Variants in WNT9A observed in about 807,000 individuals in gnomAD.
The protein encoded by WNT9A is Wnt family member 9A.
A neutral mutation model predicts 31.4 loss-of-function variants in WNT9A; 8 were observed. That is an observed-to-expected ratio of 0.26 (90% confidence interval 0.15 to 0.46). WNT9A has a LOEUF of 0.46. Among genes scored for constraint, WNT9A ranks in the 20% least tolerant of loss-of-function variants. The pLI, the probability that WNT9A is intolerant of heterozygous loss-of-function variation, is 0.99. For missense variants in WNT9A, 457 were observed against 522.9 expected (o/e 0.87, Z 1.23); for synonymous variants, 236 against 220.1 (o/e 1.07, Z -0.64).
intron 1 of WNT9A, among the ~76,000 whole-genome samples, chr1:227,938,261 A>AC (rs1572133325): frequency 2.0e-5 from 3 of 150,854 alleles, no homozygotes; most frequent in Non-Finnish European, 4.4e-5. Flanking sequence ...GTACACACAC[A>AC]CCCCCATACA....
At chr1:227,929,216 G>C (rs1211113085) in intron 1 of WNT9A, among the ~76,000 whole-genome samples, 3 of 152,076 alleles carry the variant, frequency 2.0e-5, no homozygotes, top group African/African-American at 2.4e-5. Context: ...GGTTGTTTGA[G>C]CCCAAGAACT....
chr1:227,931,880 C>CTTTTTTTTT (rs33949354), intron 1 of WNT9A, among the ~76,000 whole-genome samples: 1 of 142,604 alleles, frequency 7.0e-6, no homozygotes, highest in African/African-American at 2.6e-5. Context: ...GTGGAAATGT[C>CTTTTTTTTT]TTTTTTTTTT....
At chr1:227,941,851 A>G (rs1666712463) in intron 1 of WNT9A, among the ~76,000 whole-genome samples, 1 of 152,062 alleles carries the variant, frequency 6.6e-6, no homozygotes, top group East Asian at 1.9e-4. Context: ...GCCGCCCAGC[A>G]CAATGCACAA....
At chr1:227,939,947 G>A (rs1437133997) in intron 1 of WNT9A, among the ~76,000 whole-genome samples, 1 of 152,190 alleles carries the variant, frequency 6.6e-6, no homozygotes, top group East Asian at 1.9e-4. Context: ...GGGCTGCAAC[G>A]CCACCAGGGC....
In WNT9A at chr1:227,926,471, C is replaced by A. The variant is rs1034744343; in HGVS notation, c.96-952G>T. On this transcript the variant is annotated intron_variant, in intron 1 of 3. Transcript: ENST00000272164. This position sits in a 1 kb window ranked among gnomAD's most constrained non-coding sequence, Gnocchi z 5.0. ...CCATATCGAGTCAAGAGCCCTCAAC[C>A]CCAAACCCTGACCCCGACCCCATGT... 1.3e-5 allele frequency among the ~76,000 whole-genome samples: 2 copies of A among 152,086 alleles called. No individual in the cohort carries two copies. Among genetic ancestry groups the A allele is most frequent in the Non-Finnish European group, 2.9e-5 (2 of 68,010 alleles).
At chr1:227,933,190 C>T (rs1383546386) in intron 1 of WNT9A, among the ~76,000 whole-genome samples, 2 of 152,228 alleles carry the variant, frequency 1.3e-5, no homozygotes, top group African/African-American at 2.4e-5. Context: ...TGCTGGAGAG[C>T]TTGCTGCAGT....
At chr1:227,936,859 G>C (rs998226423) in intron 1 of WNT9A, among the ~76,000 whole-genome samples, 2 of 152,146 alleles carry the variant, frequency 1.3e-5, no homozygotes, top group African/African-American at 4.8e-5. Flanking sequence ...GGAAGACACT[G>C]GGCTTCTGGA....
intron 1 of WNT9A, among the ~76,000 whole-genome samples, chr1:227,937,061 C>A (rs1162914767): frequency 1.3e-5 from 2 of 152,210 alleles, no homozygotes; most frequent in Non-Finnish European, 2.9e-5. Flanking sequence ...TCTGACCTAT[C>A]TTCCGTTGTG....
At chr1:227,929,704 C>G (rs1354183221) in intron 1 of WNT9A, among the ~76,000 whole-genome samples, 2 of 152,334 alleles carry the variant, frequency 1.3e-5, no homozygotes, top group South Asian at 2.1e-4. Context: ...CGCAGTGGTG[C>G]ATGCCTGTGG....
At chr1:227,930,549 T>C (rs914330459) in intron 1 of WNT9A, among the ~76,000 whole-genome samples, 2 of 151,518 alleles carry the variant, frequency 1.3e-5, no homozygotes, top group Non-Finnish European at 2.9e-5. Flanking sequence ...AAAAACAAAC[T>C]AACAAAAAAA....
In WNT9A at chr1:227,945,901, GC is replaced by G. The variant is rs201364577; in HGVS notation, c.95+1891del. The stretch of plus-strand genomic sequence containing the variant: ...AACCTGGCCTGCCCTGACCCAGGAT[GC>G]CCCCCCAGCCCCTGGTTCAGGAAGG... On this transcript the variant is annotated intron_variant, in intron 1 of 3. Transcript: ENST00000272164. Among the ~76,000 whole-genome samples the G allele has an allele frequency of 4.1e-4, 63 of 152,160 alleles. No homozygotes were observed. The East Asian group carries it at 0.01, about 25-fold the overall frequency.
At position 227,926,576 on chromosome 1, in the gene WNT9A, G is replaced by T. The variant is rs546330817; in HGVS notation, c.96-1057C>A. ...GCCAGCCCAGTGTCCCCACATGGGT[G>T]GACTGAATGTCAGGGGCCCCAGGCA... On this transcript the variant is annotated intron_variant, in intron 1 of 3. Transcript: ENST00000272164. The surrounding 1 kb of genome is among the most constrained non-coding windows in gnomAD (Gnocchi z 5.0). Among the ~76,000 whole-genome samples the T allele has an allele frequency of 6.6e-6, 1 of 152,246 alleles. No individual in the cohort carries two copies. The highest frequency in any genetic ancestry group is 2.1e-4 in the South Asian group (1 of 4,826).
At position 227,921,424 on chromosome 1, in the gene WNT9A, T is replaced by C; in HGVS notation, c.*94A>G. 6.6e-7 allele frequency: 1 copy of C among 1,515,132 alleles called. No homozygotes were observed. 93.9% of individuals were successfully genotyped at this position (1,515,132 alleles called of 1,614,324 possible). A position where few individuals can be genotyped will look rare whatever the true frequency, so the allele number is the denominator to read the frequency against. ...CCTGTACCCCACGCAGCTGGGCTGG[T>C]CGAGCCCAGGAACTCAGCCTGTGCA... On this transcript the variant is annotated 3_prime_UTR_variant, in exon 4 of 4. Transcript: ENST00000272164.
intron 1 of WNT9A, among the ~76,000 whole-genome samples, chr1:227,938,167 G>C (rs1362747781): frequency 6.6e-6 from 1 of 151,902 alleles, no homozygotes; most frequent in Non-Finnish European, 1.5e-5. Flanking sequence ...CATTTCATCA[G>C]CTCTTTGACA....
intron 1 of WNT9A, among the ~76,000 whole-genome samples, chr1:227,947,434 G>A (rs1238426186): frequency 1.3e-5 from 2 of 152,170 alleles, no homozygotes; most frequent in Non-Finnish European, 2.9e-5. Context: ...ATGGCCAGGG[G>A]CTGAGGACTC....
At chr1:227,940,203 C>T (rs1666669349) in intron 1 of WNT9A, among the ~76,000 whole-genome samples, 1 of 152,244 alleles carries the variant, frequency 6.6e-6, no homozygotes, top group African/African-American at 2.4e-5. Flanking sequence ...GCTACTTGGG[C>T]TGACTGCCCT....
At chr1:227,940,069 C>G (rs1345103088) in intron 1 of WNT9A, among the ~76,000 whole-genome samples, 1 of 152,202 alleles carries the variant, frequency 6.6e-6, no homozygotes, top group Non-Finnish European at 1.5e-5. Flanking sequence ...GAAACACCCC[C>G]CTCCACCCTG....
rs143815680 is a variant in WNT9A at position 227,940,294 on chromosome 1, G to A, written c.95+7499C>T. The stretch of plus-strand genomic sequence containing the variant: ...AGACAGGCAACCAAGGCTGCACGCA[G>A]GACCCCCCGGGGGAAAGGTGAAGAG... On this transcript the variant is annotated intron_variant, in intron 1 of 3. Transcript: ENST00000272164. 2.9e-4 allele frequency among the ~76,000 whole-genome samples: 44 copies of A among 152,290 alleles called. 1 individual carries two copies. In the East Asian group the frequency reaches 7.1e-3, roughly 25 times the overall value.
intron 1 of WNT9A, among the ~76,000 whole-genome samples, chr1:227,934,352 T>G (rs1666556093): frequency 6.6e-6 from 1 of 152,260 alleles, no homozygotes; most frequent in African/African-American, 2.4e-5. Flanking sequence ...TATCTTGACT[T>G]AGTTTCTATT....
Sources: gnomAD v4.1 joint callset for allele counts (sites outside exome capture counted in the v4.1 genomes callset) on GRCh38, gnomAD v4.1.1 for gene constraint, Gnocchi (gnomAD v3.1) non-coding constraint, MANE v1.5 for transcripts, NCBI Gene and HGNC (gene_info 2026-07-23, HGNC 2026-07-21) for gene names.